The following PYGB variants were observed in gnomAD, a reference collection of about 807,000 sequenced individuals.
The protein encoded by PYGB is glycogen phosphorylase B.
A neutral mutation model predicts 94.3 loss-of-function variants in PYGB; 82 were observed. That is an observed-to-expected ratio of 0.87 (90% CI 0.73 to 1.04). The LOEUF (loss-of-function observed/expected upper bound fraction) is 1.04, where lower values mean the gene tolerates loss of function less well. PYGB is among the 50% of genes least tolerant of loss of function. The pLI, the probability that PYGB is intolerant of heterozygous loss-of-function variation, is 0.00. For missense variants in PYGB, 1,132 were observed against 1,158.2 expected, an observed-to-expected ratio of 0.98 and a Z score of 0.33; for synonymous variants, 488 against 479.1, an observed-to-expected ratio of 1.02 and a Z score of -0.24.
At position 25,296,461 on chromosome 20, in the gene PYGB, A is replaced by T. The variant is rs1200561159; in HGVS notation, c.2471A>T (p.Glu824Val). Residue 824 changes from glutamate (E) to valine (V), a missense_variant, in exon 20 of 20, where the codon GAG becomes GTG. Glu to Val is a moderately radical substitution (Grantham distance 121). Transcript: ENST00000216962. ...CGGACCATCACGGAGTATGCACGGG[A>T]GATCTGGGGTGTGGAGCCCTCCGAC... ...SDRTITEYAR[E>V]IWGVEPSDLQ... is the part of the protein sequence containing the mutation. The T allele has an allele frequency of 6.2e-7, 1 of 1,613,950 alleles. No individual in the cohort carries two copies. Among genetic ancestry groups the T allele is most frequent in the South Asian group, 1.1e-5 (1 of 91,080 alleles).
intron 3 of PYGB, among the ~76,000 whole-genome samples, chr20:25,270,198 TTTG>T (rs2088254078): frequency 3.3e-5 from 1 of 30,372 alleles, no homozygotes. Context: ...TTTTTTTTGT[TTTG>T]TTTTGTTTTT....
chr20:25,284,377 G>T, intron 14 of PYGB, 126 bp downstream of exon 14: 1 of 1,273,728 alleles, frequency 7.9e-7, no homozygotes, highest in Non-Finnish European at 1.1e-6. Context: ...GTGTGCATGT[G>T]TGATGTGGCA....
rs1458736794 is a variant in PYGB, at chr20:25,275,508, T to TCACC, written c.660+785_660+786insCACC. Reference sequence around the variant, plus strand: ...GAGAGCCTGGAGGCTGGGTGGTCACTGGTGTGCAGAGGGAGTTGTCTTGAC... The same window carrying TCACC: ...GAGAGCCTGGAGGCTGGGTGGTCACTCACCGGTGTGCAGAGGGAGTTGTCTTGAC... On this transcript the variant is annotated intron_variant, in intron 5 of 19. Coordinates refer to ENST00000216962, the MANE Select transcript of PYGB (RefSeq NM_002862.4). Among the ~76,000 whole-genome samples, 8 of 152,308 alleles carry TCACC rather than the reference T, an allele frequency of 5.3e-5. No homozygotes were observed. The East Asian group carries it at 1.4e-3, about 26-fold the overall frequency.
At chr20:25,293,155 G>A (rs2088487838) in intron 17 of PYGB, among the ~76,000 whole-genome samples, 1 of 149,650 alleles carries the variant, frequency 6.7e-6, no homozygotes, top group African/African-American at 2.5e-5. Flanking sequence ...GGGGGGGATG[G>A]GGGGGTTGGG....
chr20:25,277,436 C>A, intron 7 of PYGB, 110 bp downstream of exon 7: 1 of 1,037,954 alleles, frequency 9.6e-7, no homozygotes, highest in Non-Finnish European at 1.4e-6. Context: ...CCTTGGCAAG[C>A]AGCCACCTGG....
At position 25,296,128 on chromosome 20, in the gene PYGB, G is replaced by A. The variant is rs548875910; in HGVS notation, c.2380-242G>A. ...CGTCCTGGGGGCCATGCCCTAGCAG[G>A]AATTTTCGAGGCTGGGACCTTCTCT... is the stretch of plus-strand genomic sequence containing the variant. On this transcript the variant is annotated intron_variant, in intron 19 of 19. Transcript: ENST00000216962. Among the ~76,000 whole-genome samples the A allele has an allele frequency of 5.9e-5, 9 of 152,216 alleles. No homozygotes were observed. In the South Asian group the frequency reaches 1.9e-3, roughly 32 times the overall value.
At chr20:25,281,514 A>T (rs2088366989) in intron 11 of PYGB, among the ~76,000 whole-genome samples, 1 of 152,156 alleles carries the variant, frequency 6.6e-6, no homozygotes, top group Non-Finnish European at 1.5e-5. Flanking sequence ...GTGGGGCGTG[A>T]TCTAGGAATT....
intron 5 of PYGB, among the ~76,000 whole-genome samples, chr20:25,274,936 C>T (rs2088297729): frequency 6.6e-6 from 1 of 152,246 alleles, no homozygotes; most frequent in South Asian, 2.1e-4. Flanking sequence ...CTGAGCACAG[C>T]AGCGAGACTC....
intron 3 of PYGB, among the ~76,000 whole-genome samples, 154 bp downstream of exon 3, chr20:25,269,361 G>C (rs564651581): frequency 2.6e-5 from 4 of 152,148 alleles, no homozygotes; most frequent in African/African-American, 4.8e-5. Flanking sequence ...TGCCACTAGT[G>C]GGGGGAAAGG....
At chr20:25,272,292 C>T (rs187469253) in intron 4 of PYGB, among the ~76,000 whole-genome samples, 152 of 152,268 alleles carry the variant, frequency 1.0e-3, no homozygotes, top group Admixed American at 2.9e-3. Flanking sequence ...GTGTGCATGA[C>T]GGGTAGTAGA....
chr20:25,296,368 AG>A lies in PYGB; in HGVS notation c.2380-1del, dbSNP rs1433726533. The A allele has an allele frequency of 6.2e-6, 10 of 1,613,942 alleles. No homozygotes were observed. The highest frequency in any genetic ancestry group is 8.5e-6 in the Non-Finnish European group (10 of 1,180,020). ...AGACTAATTTCATCTCCTTCCCTGC[AG>A]AACCCCAAGGAGTGGACCAAGAAGG... On this transcript the variant is annotated splice_acceptor_variant, in intron 19 of 19. Coordinates refer to ENST00000216962, the MANE Select transcript of PYGB (RefSeq NM_002862.4). LOFTEE classifies it high-confidence loss of function.
chr20:25,260,578 T>A (rs1182454562), intron 2 of PYGB, among the ~76,000 whole-genome samples: 11 of 152,332 alleles, frequency 7.2e-5, no homozygotes, highest in African/African-American at 2.6e-4. Context: ...GATGGGTGAT[T>A]TCTGCATTTC....
At chr20:25,268,357 T>C (rs1400255040) in intron 2 of PYGB, among the ~76,000 whole-genome samples, 3 of 151,840 alleles carry the variant, frequency 2.0e-5, no homozygotes, top group Non-Finnish European at 4.4e-5. Flanking sequence ...ACCACTCTTC[T>C]CAATGGATAT....
Position 25,278,267 on chromosome 20 carries a change from G to C in PYGB, c.856-52G>C, listed in dbSNP as rs929360734. The C allele has an allele frequency of 3.0e-5, 13 of 432,068 alleles. No individual in the cohort carries two copies. The African/African-American group carries it at 4.9e-4, about 16-fold the overall frequency. 26.8% of individuals were successfully genotyped at this position (432,068 alleles called of 1,614,324 possible). ...CCAGGTCGCTGACCTGGGCTTCCTG[G>C]GGGAGGAGAATGGCCCAGCCTGCAC... is the stretch of plus-strand genomic sequence containing the variant. On this transcript the variant is annotated intron_variant, in intron 7 of 19. Transcript: ENST00000216962.
intron 7 of PYGB, 71 bp from the exon 8 acceptor site, chr20:25,278,248 C>G: frequency 1.8e-6 from 1 of 557,594 alleles, no homozygotes; most frequent in Non-Finnish European, 2.4e-6. Flanking sequence ...TGAGCCAGGT[C>G]GCTGACCTGG....
chr20:25,291,334 GGA>G (rs1021792290), intron 16 of PYGB, among the ~76,000 whole-genome samples: 5 of 152,168 alleles, frequency 3.3e-5, no homozygotes, highest in African/African-American at 1.2e-4. Flanking sequence ...CCAGATGGTG[GGA>G]GATCTGAGCC....
chr20:25,273,123 G>T (rs1035433737), intron 4 of PYGB, among the ~76,000 whole-genome samples: 1 of 152,258 alleles, frequency 6.6e-6, no homozygotes, highest in Non-Finnish European at 1.5e-5. Flanking sequence ...TTGGCCAGCA[G>T]CATGTGGCCA....
rs766767507 is a variant in PYGB, at chr20:25,271,432, T to A, written c.474T>A (p.Tyr158Ter). Residue 158 changes from tyrosine to a stop codon, truncating the protein, a stop_gained, in exon 4 of 20, where the codon TAT becomes TAA. Transcript: ENST00000216962. LOFTEE classifies it high-confidence loss of function. ...CCTTGGGCCTGGCAGCATACGGCTA[T>A]GGAATCCGCTATGAATTTGGGATTT... ...MATLGLAAYGYGIRYEFGIFN... is the reference protein window; with the variant it reads ...MATLGLAAYG The A allele has an allele frequency of 2.0e-5, 32 of 1,614,130 alleles. No individual in the cohort carries two copies. Among genetic ancestry groups the A allele is most frequent in the African/African-American group, 2.7e-5 (2 of 74,948 alleles).
chr20:25,292,453 G>A lies in PYGB; in HGVS notation c.2017G>A (p.Glu673Lys), dbSNP rs200843501. Residue 673 changes from glutamate to lysine, a missense_variant, in exon 17 of 20, where the codon GAG becomes AAG. Physicochemically the swap from Glu to Lys is moderately conservative, Grantham distance 56 (BLOSUM62 1). Transcript: ENST00000216962. ...GCAGCAGATCTCCACTGCAGGCACC[G>A]AGGCCTCAGGCACAGGCAACATGAA... ...LSQQISTAGT[E>K]ASGTGNMKFM... 6.2e-6 allele frequency: 10 copies of A among 1,613,430 alleles called. No homozygotes were observed. The highest frequency in any genetic ancestry group is 7.6e-6 in the Non-Finnish European group (9 of 1,180,018).
Sources: gnomAD v4.1 joint callset for allele counts (sites outside exome capture counted in the v4.1 genomes callset) on GRCh38, gnomAD v4.1.1 for gene constraint, MANE v1.5 for transcripts, NCBI Gene and HGNC (gene_info 2026-07-23, HGNC 2026-07-21) for gene names.